CSNK2A1: variants seen among roughly 807,000 people sequenced by gnomAD.
CSNK2A1 encodes the protein casein kinase II subunit alpha.
In CSNK2A1, 10 loss-of-function variants were observed where a neutral mutation model predicts 62.9. That is an observed-to-expected ratio of 0.16 (90% confidence interval 0.10 to 0.27). The LOEUF is 0.27. Ranked by LOEUF, CSNK2A1 falls within the 10% of genes least tolerant of loss-of-function variation. The probability of loss-of-function intolerance (pLI) is 1.00; values close to 1 mark genes in which losing one functional copy is unlikely to be tolerated. For synonymous variants in CSNK2A1, 124 were observed against 167.8 expected, an observed-to-expected ratio of 0.74 and a Z score of 2.02; for missense variants, 160 against 492.0, an observed-to-expected ratio of 0.33 and a Z score of 6.38.
chr20:492,709 T>C lies in CSNK2A1; in HGVS notation c.511-345A>G, dbSNP rs142860367. The C allele has an allele frequency of 1.2e-4, 25 of 206,550 alleles. No homozygotes were observed. The East Asian group carries it at 2.6e-3, about 22-fold the overall frequency. The allele number at this position is 206,550 out of a possible 1,614,324, so 12.8% of individuals were successfully genotyped here. A position where few individuals can be genotyped will look rare whatever the true frequency, so the allele number is the denominator to read the frequency against. Reference sequence around the variant, plus strand: ...TTCTCAATGAAGTCTGATCATTGCCTTCAGCCCCCTGAATTTTAGATATAT... The same window carrying C: ...TTCTCAATGAAGTCTGATCATTGCCCTCAGCCCCCTGAATTTTAGATATAT... On this transcript the variant is annotated intron_variant, in intron 8 of 13. Transcript: ENST00000217244.
At position 521,553 on chromosome 20, in the gene CSNK2A1, G is replaced by C. The variant is rs189606531; in HGVS notation, c.-110+6380C>G. 1.1e-4 allele frequency among the ~76,000 whole-genome samples: 17 copies of C among 152,034 alleles called. No homozygotes were observed. In the South Asian group the frequency reaches 3.3e-3, roughly 30 times the overall value. ...CATACAACCAGCATTCCCACTCCTA[G>C]GTATTTACTCAAGAGAAACGGAAAC... On this transcript the variant is annotated intron_variant, in intron 2 of 13. Coordinates refer to ENST00000217244, the MANE Select transcript of CSNK2A1 (RefSeq NM_177559.3).
intron 9 of CSNK2A1, among the ~76,000 whole-genome samples, chr20:490,330 T>TTTTTC (rs1432069664): frequency 7.8e-6 from 1 of 127,702 alleles, no homozygotes; most frequent in African/African-American, 3.7e-5. Context: ...CCTGGCTAGT[T>TTTTTC]TTTTCTTTTT....
intron 2 of CSNK2A1, among the ~76,000 whole-genome samples, chr20:524,218 G>C (rs1290050624): frequency 1.3e-5 from 2 of 151,816 alleles, no homozygotes; most frequent in African/African-American, 4.8e-5. Flanking sequence ...GAGGTCAGGA[G>C]CTCAAAACCA....
intron 7 of CSNK2A1, 94 bp downstream of exon 7, chr20:497,627 A>G: frequency 9.3e-7 from 1 of 1,071,826 alleles, no homozygotes; most frequent in South Asian, 1.3e-5. Context: ...AACATACTTT[A>G]CAAAGTTAAT....
chr20:503,952 CG>C (rs1161289136), intron 4 of CSNK2A1, among the ~76,000 whole-genome samples: 1 of 152,132 alleles, frequency 6.6e-6, no homozygotes, highest in Non-Finnish European at 1.5e-5. Context: ...CCGAGGCGGG[CG>C]GATCACCTGA....
chr20:536,658 C>T (rs1221006650), intron 1 of CSNK2A1, among the ~76,000 whole-genome samples: 1 of 152,196 alleles, frequency 6.6e-6, no homozygotes, highest in Non-Finnish European at 1.5e-5. Flanking sequence ...CTCTATTCTA[C>T]CCCCTTCTCA....
At position 508,566 on chromosome 20, in the gene CSNK2A1, C is replaced by T. The variant is rs769839209; in HGVS notation, c.-15G>A. ...GGTCCCGACATGTCAGACAGGTTGG[C>T]GGACAAAGCTGGACTTGATGTTTGG... On this transcript the variant is annotated 5_prime_UTR_variant, in exon 3 of 14. Coordinates refer to ENST00000217244, the MANE Select transcript of CSNK2A1 (RefSeq NM_177559.3). The T allele has an allele frequency of 2.7e-5, 43 of 1,605,784 alleles. No individual in the cohort carries two copies. Among genetic ancestry groups the T allele is most frequent in the East Asian group, 1.3e-4 (6 of 44,742 alleles).
intron 2 of CSNK2A1, among the ~76,000 whole-genome samples, chr20:518,932 A>AAATATAGTGAAAT (rs2018886216): frequency 2.9e-5 from 4 of 137,426 alleles, no homozygotes; most frequent in Non-Finnish European, 6.2e-5. Flanking sequence ...CGTTGGATAT[A>AAATATAGTGAAAT]CTTTTTTTTT....
Position 525,614 on chromosome 20 carries a change from G to GC in CSNK2A1, c.-110+2318dup, listed in dbSNP as rs943538101. The stretch of plus-strand genomic sequence containing the variant: ...TGCAGTGAGCCGAGATCGTGCCACT[G>GC]CACTCCAGCCTGGGCGACAGAGCGA... On this transcript the variant is annotated intron_variant, in intron 2 of 13. Coordinates refer to ENST00000217244, the MANE Select transcript of CSNK2A1 (RefSeq NM_177559.3). Among the ~76,000 whole-genome samples the GC allele has an allele frequency of 7.4e-3, 1,052 of 142,000 alleles. 16 individuals carry two copies. Among genetic ancestry groups the GC allele is most frequent in the African/African-American group, 0.026 (976 of 37,488 alleles). The allele number at this position is 142,000 out of a possible 152,430, so 93.2% of individuals were successfully genotyped here. A position where few individuals can be genotyped will look rare whatever the true frequency, so the allele number is the denominator to read the frequency against.
At chr20:510,666 C>T (rs149673965) in intron 2 of CSNK2A1, among the ~76,000 whole-genome samples, 101 of 152,176 alleles carry the variant, frequency 6.6e-4, no homozygotes, top group African/African-American at 2.3e-3. Context: ...AATAGGTAAA[C>T]GTGCGTAAAG....
intron 2 of CSNK2A1, among the ~76,000 whole-genome samples, chr20:512,831 T>C (rs868165810): frequency 2.2e-4 from 33 of 152,276 alleles, no homozygotes; most frequent in African/African-American, 7.2e-4. Context: ...CTGGGTGACA[T>C]TAATCTATCT....
At chr20:525,630 G>A (rs112080694) in intron 2 of CSNK2A1, among the ~76,000 whole-genome samples, 372 of 132,822 alleles carry the variant, frequency 2.8e-3, no homozygotes, top group Middle Eastern at 5.2e-3. Flanking sequence ...CAGCCTGGGC[G>A]ACAGAGCGAG....
At chr20:527,218 CAGA>C (rs1032543352) in intron 2 of CSNK2A1, among the ~76,000 whole-genome samples, 3 of 151,992 alleles carry the variant, frequency 2.0e-5, no homozygotes, top group African/African-American at 4.8e-5. Flanking sequence ...TTGAAATTCC[CAGA>C]AGAAAAATAA....
At chr20:508,300 A>G in intron 3 of CSNK2A1, 151 bp downstream of exon 3, 1 of 840,188 alleles carries the variant, frequency 1.2e-6, no homozygotes, top group Non-Finnish European at 1.7e-6. Context: ...CTGCAAAACC[A>G]AATTTTCAGC....
intron 2 of CSNK2A1, among the ~76,000 whole-genome samples, chr20:518,028 C>T (rs1192029034): frequency 6.6e-6 from 1 of 152,150 alleles, no homozygotes; most frequent in East Asian, 1.9e-4. Context: ...TGCAGTGGCA[C>T]AATCGTAGCT....
chr20:491,498 C>T (rs1226110202), intron 9 of CSNK2A1, among the ~76,000 whole-genome samples: 1 of 152,094 alleles, frequency 6.6e-6, no homozygotes, highest in Non-Finnish European at 1.5e-5. Context: ...GAGACTTTCT[C>T]TCTACACACA....
rs73611631 is a variant in CSNK2A1, at chr20:499,976, A to ATT, written c.214-44_214-43dup. 1.3e-3 allele frequency: 1,756 copies of ATT among 1,362,566 alleles called. 16 individuals carry two copies. In the African/African-American group the frequency reaches 0.024, roughly 18 times the overall value. 84.4% of individuals were successfully genotyped at this position (1,362,566 alleles called of 1,614,324 possible). ...ACATCAGCAAAAAAAAAAAAAAAAA[A>ATT]TTTTTTCAGAGTATTTCAACACGTA... On this transcript the variant is annotated intron_variant, in intron 4 of 13. Transcript: ENST00000217244. The surrounding 1 kb of genome is among the most constrained non-coding windows in gnomAD (Gnocchi z 4.2).
At chr20:514,809 C>T (rs955907479) in intron 2 of CSNK2A1, among the ~76,000 whole-genome samples, 1 of 152,196 alleles carries the variant, frequency 6.6e-6, no homozygotes, top group Non-Finnish European at 1.5e-5. Flanking sequence ...ATGTATATCA[C>T]ATGTAAGCTA....
At position 474,889 on chromosome 20, in the gene CSNK2A1, G is replaced by A. The variant is rs1254479743; in HGVS notation, c.*9072C>T. ...TTTCATAACTTTTCCCATTCCTGCT[G>A]AGTTAATACTTTTTTGGCTTGTCTT... On this transcript the variant is annotated 3_prime_UTR_variant, in exon 14 of 14. Transcript: ENST00000217244. 1 of 152,074 alleles carries A rather than the reference G, an allele frequency of 6.6e-6. No homozygotes were observed. The highest frequency in any genetic ancestry group is 1.5e-5 in the Non-Finnish European group (1 of 68,024). The allele number at this position is 152,074 out of a possible 1,614,324, so 9.4% of individuals were successfully genotyped here. A position where few individuals can be genotyped will look rare whatever the true frequency, so the allele number is the denominator to read the frequency against.
Sources: allele counts gnomAD v4.1 joint callset (sites outside exome capture counted in the v4.1 genomes callset), GRCh38; gene constraint gnomAD v4.1.1; non-coding constraint Gnocchi (gnomAD v3.1); transcripts MANE v1.5; gene names NCBI Gene and HGNC (gene_info 2026-07-23, HGNC 2026-07-21).